TIPIN: variants seen among roughly 807,000 people sequenced by gnomAD.
The protein encoded by TIPIN is TIMELESS interacting protein.
TIPIN carries 29 observed loss-of-function variants against 35.6 expected under a neutral mutation model. The observed-to-expected ratio is 0.82, with a 90% CI of 0.61 to 1.11. The LOEUF (loss-of-function observed/expected upper bound fraction) is 1.11, where lower values mean the gene tolerates loss of function less well. TIPIN is among the 50% of genes most tolerant of loss of function. The pLI, the probability that TIPIN is intolerant of heterozygous loss-of-function variation, is 0.00. For missense variants in TIPIN, 296 were observed against 345.4 expected (o/e 0.86, Z 1.13); for synonymous variants, 102 against 121.5 (o/e 0.84, Z 1.06).
At chr15:66,352,775 C>G (rs1198106100) in intron 2 of TIPIN, 40 bp downstream of exon 2, 2 of 1,563,558 alleles carry the variant, frequency 1.3e-6, no homozygotes. Flanking sequence ...GCCACCGTGC[C>G]TGGCCTCACA....
At chr15:66,338,517 A>G (rs1468285463) in intron 7 of TIPIN, among the ~76,000 whole-genome samples, 2 of 152,110 alleles carry the variant, frequency 1.3e-5, no homozygotes, top group African/African-American at 4.8e-5. Flanking sequence ...ATCCATTTAT[A>G]AAGAAAAAGT....
chr15:66,373,681 TTTC>T (rs2093285751), intron 1 of TIPIN, among the ~76,000 whole-genome samples: 1 of 151,970 alleles, frequency 6.6e-6, no homozygotes, highest in Non-Finnish European at 1.5e-5. Flanking sequence ...ATATTGTCTT[TTTC>T]TTTTTTTATT....
chr15:66,375,748 C>T (rs1440986474), intron 1 of TIPIN, among the ~76,000 whole-genome samples: 1 of 145,050 alleles, frequency 6.9e-6, no homozygotes, highest in Admixed American at 7.2e-5. Context: ...TCCCCGGAGA[C>T]AAACACTATT....
chr15:66,365,705 C>A (rs576466269), intron 1 of TIPIN, among the ~76,000 whole-genome samples: 2 of 152,222 alleles, frequency 1.3e-5, no homozygotes, highest in South Asian at 4.1e-4. Flanking sequence ...TGGCACCATG[C>A]CCGGCTAATT....
chr15:66,342,204 A>T (rs903722130), intron 6 of TIPIN, among the ~76,000 whole-genome samples: 6 of 150,870 alleles, frequency 4.0e-5, no homozygotes, highest in Non-Finnish European at 8.9e-5. Context: ...AAAAAAAAAA[A>T]AAAAGAAAGA....
At chr15:66,359,154 A>AAC (rs538620517), upstream of TIPIN, among the ~76,000 whole-genome samples, 30,183 of 134,590 alleles carry the variant, frequency 0.22, 3,737 homozygotes, top group Middle Eastern at 0.36. Context: ...CCTGTCTCAA[A>AAC]ACACACACAC....
At chr15:66,364,052 T>C (rs568806262) in intron 1 of TIPIN, among the ~76,000 whole-genome samples, 108 of 149,612 alleles carry the variant, frequency 7.2e-4, no homozygotes, top group Admixed American at 1.8e-3. Context: ...CCCAAACACT[T>C]CCCACCAGGC....
At position 66,341,134 on chromosome 15, in the gene TIPIN, T is replaced by G; in HGVS notation, c.682+16A>C. The G allele has an allele frequency of 6.2e-7, 1 of 1,605,764 alleles. No individual in the cohort carries two copies. Among genetic ancestry groups the G allele is most frequent in the Non-Finnish European group, 8.5e-7 (1 of 1,177,874 alleles). ...ATATATTAATGGTAGCATATAAAAT[T>G]TGGCATAAAATTTACCATTTCCTAG... On this transcript the variant is annotated intron_variant, in intron 7 of 7. Coordinates refer to ENST00000261881, the MANE Select transcript of TIPIN (RefSeq NM_017858.3).
chr15:66,344,192 G>A (rs1345907933), intron 6 of TIPIN, among the ~76,000 whole-genome samples: 1 of 151,768 alleles, frequency 6.6e-6, no homozygotes, highest in Non-Finnish European at 1.5e-5. Flanking sequence ...CAAACTCCTT[G>A]GACTCAAAGG....
At chr15:66,380,708 A>G (rs530923649) in intron 1 of TIPIN, among the ~76,000 whole-genome samples, 2 of 152,194 alleles carry the variant, frequency 1.3e-5, no homozygotes, top group Admixed American at 1.3e-4. Context: ...CCAGCTACTC[A>G]GGAGGCTGAG....
At chr15:66,338,048 G>A (rs2093057955) in intron 7 of TIPIN, among the ~76,000 whole-genome samples, 1 of 152,112 alleles carries the variant, frequency 6.6e-6, no homozygotes, top group African/African-American at 2.4e-5. Context: ...TCAAGGTCAG[G>A]AGTTTGAAAC....
upstream of TIPIN, among the ~76,000 whole-genome samples, chr15:66,357,870 C>T (rs908672365): frequency 1.3e-5 from 2 of 151,936 alleles, no homozygotes; most frequent in African/African-American, 4.8e-5. Flanking sequence ...GCAGGAGTAT[C>T]ACTTGAACCT....
chr15:66,361,033 GACGAATGAGGATCACTT>G (rs1341689316), upstream of TIPIN, among the ~76,000 whole-genome samples: 1 of 120,936 alleles, frequency 8.3e-6, no homozygotes, highest in Non-Finnish European at 1.7e-5. Flanking sequence ...TCGGAAGGCT[GACGAATGAGGATCACTT>G]GAATCTGGGA....
intron 1 of TIPIN, 24 bp downstream of exon 1, chr15:66,356,615 A>T: frequency 1.0e-6 from 1 of 983,832 alleles, no homozygotes; most frequent in Non-Finnish European, 1.2e-6. Context: ...CAAGAACTTC[A>T]TTGGCCCGCC....
At chr15:66,372,230 C>T (rs1041523861) in intron 1 of TIPIN, among the ~76,000 whole-genome samples, 2 of 152,212 alleles carry the variant, frequency 1.3e-5, no homozygotes, top group Non-Finnish European at 2.9e-5. Context: ...ATCTCACCTT[C>T]CTCACTCTCT....
In TIPIN at chr15:66,349,328, T is replaced by G. The variant is rs1484753180; in HGVS notation, c.398A>C (p.Lys133Thr). 1.9e-6 allele frequency: 3 copies of G among 1,613,770 alleles called. No individual in the cohort carries two copies. Among genetic ancestry groups the G allele is most frequent in the Non-Finnish European group, 2.5e-6 (3 of 1,180,026 alleles). ...CTCAACACTTACCTGAACTTCCTTT[T>G]TACTTCCCAGGTATTCAACTCTGTC... ...FIDRVEYLGS[K>T]KEVQTCLKRI... Residue 133 changes from lysine to threonine, a missense_variant, in exon 5 of 8, where the codon AAA (lysine) becomes ACA (threonine). Coordinates refer to ENST00000261881, the MANE Select transcript of TIPIN (RefSeq NM_017858.3).
At chr15:66,385,996 C>A (rs983940700) in intron 1 of TIPIN, among the ~76,000 whole-genome samples, 3 of 152,028 alleles carry the variant, frequency 2.0e-5, no homozygotes, top group Non-Finnish European at 4.4e-5. Context: ...GTCTCGAACT[C>A]CTGGGCTCAA....
At chr15:66,381,946 T>TC (rs2093320056) in intron 1 of TIPIN, among the ~76,000 whole-genome samples, 1 of 152,046 alleles carries the variant, frequency 6.6e-6, no homozygotes, top group Non-Finnish European at 1.5e-5. Context: ...GTGCCTGTAA[T>TC]CCCAGCTACT....
intron 1 of TIPIN, among the ~76,000 whole-genome samples, chr15:66,356,400 C>A (rs2093204320): frequency 6.6e-6 from 1 of 152,196 alleles, no homozygotes; most frequent in Admixed American, 6.5e-5. Context: ...CGTTCCCTCC[C>A]GCTAAGCGGC....
Sources: gnomAD v4.1 joint callset for allele counts (sites outside exome capture counted in the v4.1 genomes callset) on GRCh38, gnomAD v4.1.1 for gene constraint, MANE v1.5 for transcripts, NCBI Gene and HGNC (gene_info 2026-07-23, HGNC 2026-07-21) for gene names.